Variants in SIPA1L3 observed in about 807,000 individuals in gnomAD.
SIPA1L3 encodes signal induced proliferation associated 1 like 3.
In SIPA1L3, 59 loss-of-function variants were observed where a neutral mutation model predicts 150.1. The ratio of observed to expected loss-of-function variants is 0.39; its 90% CI spans 0.32 to 0.49. SIPA1L3 has a LOEUF of 0.49. Among genes scored for constraint, SIPA1L3 ranks in the 20% least tolerant of loss-of-function variants. The probability of loss-of-function intolerance (pLI) is 0.86; values close to 1 mark genes in which losing one functional copy is unlikely to be tolerated. For missense variants in SIPA1L3, 2,211 were observed against 2,489.5 expected, an observed-to-expected ratio of 0.89 and a Z score of 2.38; for synonymous variants, 1,070 against 1,077.6, an observed-to-expected ratio of 0.99 and a Z score of 0.14.
At chr19:38,096,534 C>G (rs952401464) in intron 4 of SIPA1L3, among the ~76,000 whole-genome samples, 1 of 152,172 alleles carries the variant, frequency 6.6e-6, no homozygotes, top group African/African-American at 2.4e-5. Context: ...GAGGTGTGAG[C>G]CACCGCACCT....
chr19:37,965,338 A>G (rs1383439883), intron 1 of SIPA1L3, among the ~76,000 whole-genome samples: 1 of 137,802 alleles, frequency 7.3e-6, no homozygotes, highest in East Asian at 2.1e-4. Context: ...TTTTTTTGAG[A>G]AGGCGTCTCC....
At chr19:38,176,499 C>T (rs564735023) in intron 15 of SIPA1L3, among the ~76,000 whole-genome samples, 5 of 151,896 alleles carry the variant, frequency 3.3e-5, no homozygotes, top group Non-Finnish European at 7.4e-5. Flanking sequence ...TGGGTTCAAG[C>T]GATTCTCCCA....
intron 6 of SIPA1L3, 151 bp from the exon 7 acceptor site, chr19:38,106,386 T>C: frequency 6.1e-6 from 4 of 654,664 alleles, no homozygotes; most frequent in Non-Finnish European, 1.1e-5. Context: ...GGATTATAGG[T>C]GTGAACCACC....
At chr19:38,179,534 A>G (rs561255365) in intron 15 of SIPA1L3, among the ~76,000 whole-genome samples, 3 of 152,362 alleles carry the variant, frequency 2.0e-5, no homozygotes, top group Admixed American at 6.5e-5. Flanking sequence ...ATGTGCGTCT[A>G]TCACTGCAAT....
intron 1 of SIPA1L3, among the ~76,000 whole-genome samples, chr19:37,944,855 C>T (rs1475064359): frequency 6.6e-6 from 1 of 152,078 alleles, no homozygotes; most frequent in Non-Finnish European, 1.5e-5. Context: ...GAGGCTGAGC[C>T]AGGAGAATCA....
intron 10 of SIPA1L3, among the ~76,000 whole-genome samples, chr19:38,137,369 A>G (rs1292791036): frequency 1.3e-5 from 2 of 151,996 alleles, no homozygotes; most frequent in Non-Finnish European, 2.9e-5. Context: ...TTGTATTTTT[A>G]GTAGAGATGG....
chr19:37,956,060 G>A (rs543476225), intron 1 of SIPA1L3, among the ~76,000 whole-genome samples: 1 of 152,320 alleles, frequency 6.6e-6, no homozygotes, highest in Non-Finnish European at 1.5e-5. Context: ...CGTGATCATG[G>A]CGCACTACAG....
chr19:38,089,246 A>C (rs866672738), intron 4 of SIPA1L3, among the ~76,000 whole-genome samples: 38 of 147,584 alleles, frequency 2.6e-4, no homozygotes, highest in Admixed American at 1.5e-3. Flanking sequence ...TGAACCTGAG[A>C]GGCAGAGGCT....
chr19:38,168,184 C>T (rs113373959), intron 15 of SIPA1L3, among the ~76,000 whole-genome samples: 5 of 152,210 alleles, frequency 3.3e-5, no homozygotes, highest in South Asian at 2.1e-4. Flanking sequence ...GTCAGGAGTT[C>T]GAGACCAGCC....
chr19:37,967,638 C>G (rs1216502570), intron 1 of SIPA1L3, among the ~76,000 whole-genome samples: 3 of 152,148 alleles, frequency 2.0e-5, no homozygotes, highest in African/African-American at 7.2e-5. Context: ...TGCAACAATC[C>G]TATCTCCAAA....
chr19:38,167,563 G>T (rs1972237869), intron 15 of SIPA1L3, among the ~76,000 whole-genome samples: 1 of 152,142 alleles, frequency 6.6e-6, no homozygotes, highest in Admixed American at 6.6e-5. Flanking sequence ...CCCTAGACAA[G>T]TGGCTGTTTG....
chr19:38,015,004 T>C (rs537358537), intron 1 of SIPA1L3, among the ~76,000 whole-genome samples: 15 of 151,650 alleles, frequency 9.9e-5, no homozygotes, highest in Non-Finnish European at 1.8e-4. Flanking sequence ...GGTTGAGATA[T>C]GATCTGACTG....
At chr19:37,909,374 G>GTT (rs796432400) in intron 1 of SIPA1L3, among the ~76,000 whole-genome samples, 4 of 144,294 alleles carry the variant, frequency 2.8e-5, no homozygotes, top group Non-Finnish European at 3.1e-5. Flanking sequence ...CACGTGGTTA[G>GTT]TTTTTTTTTT....
chr19:38,201,959 G>A lies in SIPA1L3; in HGVS notation c.5082G>A (p.Glu1694=). The A allele has an allele frequency of 5.0e-6, 8 of 1,613,820 alleles. No individual in the cohort carries two copies. The highest frequency in any genetic ancestry group is 6.8e-6 in the Non-Finnish European group (8 of 1,179,890). The change falls in exon 20 of 22, where the codon GAG becomes GAA. Residue 1694 remains glutamate, a synonymous_variant. Transcript: ENST00000222345. ...HSPVHSHLSL[E]RGPPTPRTTP... Reference sequence around the variant, plus strand: ...CTGTCCACAGCCACCTGAGCCTGGAGAGGGGACCCCCGACCCCCAGGACCA... The same window carrying A: ...CTGTCCACAGCCACCTGAGCCTGGAAAGGGGACCCCCGACCCCCAGGACCA...
chr19:37,918,915 TAAAC>T (rs67434473), intron 1 of SIPA1L3, among the ~76,000 whole-genome samples: 13,784 of 136,236 alleles, frequency 0.1, 876 homozygotes, highest in African/African-American at 0.15. Flanking sequence ...AATAAATAAA[TAAAC>T]AAACTGCTGC....
At chr19:37,949,537 C>T (rs1482393482) in intron 1 of SIPA1L3, among the ~76,000 whole-genome samples, 3 of 152,018 alleles carry the variant, frequency 2.0e-5, no homozygotes, top group Admixed American at 6.6e-5. Context: ...TGGTGGCGCA[C>T]GCCTGTAATC....
intron 21 of SIPA1L3, among the ~76,000 whole-genome samples, chr19:38,205,232 G>A (rs985184911): frequency 2.0e-5 from 3 of 151,942 alleles, no homozygotes; most frequent in African/African-American, 4.8e-5. Context: ...ACTTTGGGAG[G>A]CCGAGGTGGG....
chr19:38,111,890 G>T (rs1725491), intron 8 of SIPA1L3, among the ~76,000 whole-genome samples: 1 of 151,118 alleles, frequency 6.6e-6, no homozygotes, highest in Admixed American at 6.6e-5. Context: ...CACGTGCACA[G>T]GCACATGCAC....
At chr19:38,114,492 G>A (rs1970836805) in intron 8 of SIPA1L3, among the ~76,000 whole-genome samples, 1 of 151,616 alleles carries the variant, frequency 6.6e-6, no homozygotes, top group Non-Finnish European at 1.5e-5. Flanking sequence ...CAATCTGACT[G>A]CCCCATTCAG....
Sources: gnomAD v4.1 joint callset for allele counts (sites outside exome capture counted in the v4.1 genomes callset) on GRCh38, gnomAD v4.1.1 for gene constraint, MANE v1.5 for transcripts, NCBI Gene and HGNC (gene_info 2026-07-23, HGNC 2026-07-21) for gene names.